The following NPFFR2 variants were observed in gnomAD, a reference collection of about 807,000 sequenced individuals.
NPFFR2 encodes neuropeptide FF receptor 2.
NPFFR2 carries 15 observed loss-of-function variants against 13.1 expected under a neutral mutation model. That is an observed-to-expected ratio of 1.15 (90% CI 0.77 to 1.76). The LOEUF is 1.76. Ranked by LOEUF, NPFFR2 falls within the 40% of genes most tolerant of loss-of-function variation. The pLI, the probability that NPFFR2 is intolerant of heterozygous loss-of-function variation, is 0.00. For synonymous variants in NPFFR2, 190 were observed against 175.7 expected (o/e 1.08, Z -0.65); for missense variants, 572 against 503.5 (o/e 1.14, Z -1.30).
rs768547847 is a variant in NPFFR2 at position 72,147,719 on chromosome 4, G to A, written c.1170G>A (p.Gly390=). Residue 390 remains glycine (G), a synonymous_variant, in exon 4 of 4, where the codon GGG becomes GGA. Transcript: ENST00000308744. ...AATCTACATTTCAAAACCCTCATGGGGAAACCTTGCTTTATAGGAAAAGTG... is the reference window on the plus strand; with the variant it reads ...AATCTACATTTCAAAACCCTCATGGAGAAACCTTGCTTTATAGGAAAAGTG... ...VQESTFQNPH[G]ETLLYRKSAE... The A allele has an allele frequency of 2.2e-5, 36 of 1,612,442 alleles. No homozygotes were observed. Among genetic ancestry groups the A allele is most frequent in the Non-Finnish European group, 3.0e-5 (35 of 1,179,664 alleles).
At chr4:72,125,432 G>A (rs971628963) in intron 1 of NPFFR2, among the ~76,000 whole-genome samples, 4 of 152,164 alleles carry the variant, frequency 2.6e-5, no homozygotes, top group Non-Finnish European at 5.9e-5. Context: ...TACAAAAATT[G>A]GGAAGTATAG....
chr4:72,083,497 A>C (rs1350118957), intron 1 of NPFFR2, among the ~76,000 whole-genome samples: 1 of 115,310 alleles, frequency 8.7e-6, no homozygotes, highest in Non-Finnish European at 1.8e-5. Context: ...GCCATCAGTG[A>C]CAACTGTCTC....
At chr4:72,137,328 G>T (rs934169029) in intron 2 of NPFFR2, among the ~76,000 whole-genome samples, 1 of 152,092 alleles carries the variant, frequency 6.6e-6, no homozygotes, top group Non-Finnish European at 1.5e-5. Flanking sequence ...GAAGAATATT[G>T]TTCCTTTTCT....
intron 2 of NPFFR2, among the ~76,000 whole-genome samples, chr4:72,129,591 C>A (rs1463031143): frequency 2.6e-4 from 4 of 15,410 alleles, no homozygotes; most frequent in East Asian, 2.1e-3. Context: ...TTGCTGCCCG[C>A]AGGTCCCACC....
chr4:72,083,955 G>A (rs563993301), intron 1 of NPFFR2, among the ~76,000 whole-genome samples: 41 of 152,214 alleles, frequency 2.7e-4, no homozygotes, highest in Non-Finnish European at 2.8e-4. Flanking sequence ...ACTCAAGTCA[G>A]ATCCAATACA....
chr4:72,092,428 A>G (rs1720938766), intron 1 of NPFFR2, among the ~76,000 whole-genome samples: 1 of 152,100 alleles, frequency 6.6e-6, no homozygotes, highest in Admixed American at 6.5e-5. Context: ...TAGTCCTGTC[A>G]GTGGCATATT....
At chr4:72,106,321 A>G (rs1421148918) in intron 1 of NPFFR2, among the ~76,000 whole-genome samples, 1 of 152,028 alleles carries the variant, frequency 6.6e-6, no homozygotes, top group Non-Finnish European at 1.5e-5. Flanking sequence ...CTTTCTGGAC[A>G]AAAGATGCAT....
intron 1 of NPFFR2, among the ~76,000 whole-genome samples, chr4:72,062,499 A>G (rs975853474): frequency 6.9e-6 from 1 of 144,494 alleles, no homozygotes; most frequent in South Asian, 2.3e-4. Flanking sequence ...TTCATTCAAG[A>G]CTAGGTATAC....
In NPFFR2 at chr4:72,138,642, T is replaced by C. The variant is rs1260536268; in HGVS notation, c.428+503T>C. ...TCCATGGTGTATATGTGCCACAATT[T>C]TCTTAATCCAGTATATCATTGAAGG... is the stretch of plus-strand genomic sequence containing the variant. On this transcript the variant is annotated intron_variant, in intron 3 of 3. Transcript: ENST00000308744. Among the ~76,000 whole-genome samples, 8 of 152,188 alleles carry C rather than the reference T, an allele frequency of 5.3e-5. No homozygotes were observed. The East Asian group carries it at 1.5e-3, about 29-fold the overall frequency.
intron 2 of NPFFR2, among the ~76,000 whole-genome samples, chr4:72,134,072 CT>C (rs1722334127): frequency 6.6e-6 from 1 of 152,128 alleles, no homozygotes; most frequent in Admixed American, 6.6e-5. Context: ...CAAGACCAGC[CT>C]GGCCAACATG....
At position 72,047,350 on chromosome 4, in the gene NPFFR2, G is replaced by T. The variant is rs1480077635; in HGVS notation, c.-8+15150G>T. ...TTGCCCCTTCCATTATAGGCCCAGA[G>T]CTGTAGGAGGGCAGAATGGTTTCTG... is the stretch of plus-strand genomic sequence containing the variant. On this transcript the variant is annotated intron_variant, in intron 1 of 3. Coordinates refer to ENST00000308744, the MANE Select transcript of NPFFR2 (RefSeq NM_004885.3). Among the ~76,000 whole-genome samples the T allele has an allele frequency of 2.6e-5, 4 of 152,082 alleles. No individual in the cohort carries two copies. In the East Asian group the frequency reaches 5.8e-4, roughly 22 times the overall value.
chr4:72,070,561 G>GTATGTGTGTGTGT (rs368654718), intron 1 of NPFFR2, among the ~76,000 whole-genome samples: 2 of 131,572 alleles, frequency 1.5e-5, no homozygotes, highest in African/African-American at 3.1e-5. Context: ...GTGTGTGTGT[G>GTATGTGTGTGTGT]GGGGGGGGGG....
At chr4:72,056,943 T>A (rs533747279) in intron 1 of NPFFR2, among the ~76,000 whole-genome samples, 2 of 151,880 alleles carry the variant, frequency 1.3e-5, no homozygotes, top group African/African-American at 2.4e-5. Flanking sequence ...TTTTTGTCTG[T>A]TTTTTAGAGG....
At chr4:72,047,954 A>C (rs923918376) in intron 1 of NPFFR2, among the ~76,000 whole-genome samples, 1 of 152,050 alleles carries the variant, frequency 6.6e-6, no homozygotes, top group Non-Finnish European at 1.5e-5. Context: ...GCAAGGAGTA[A>C]AGTTATTCCT....
chr4:72,131,393 C>A (rs891786551), intron 2 of NPFFR2, among the ~76,000 whole-genome samples: 1 of 134,678 alleles, frequency 7.4e-6, no homozygotes, highest in Non-Finnish European at 1.5e-5. Flanking sequence ...GGGAATTGAA[C>A]AATGAGATCA....
At chr4:72,088,700 G>C (rs539800803) in intron 1 of NPFFR2, among the ~76,000 whole-genome samples, 2 of 152,120 alleles carry the variant, frequency 1.3e-5, no homozygotes, top group Admixed American at 6.6e-5. Context: ...GAGTAAAGGA[G>C]GGAGTGCCAC....
At chr4:72,125,458 C>A (rs1419796129) in intron 1 of NPFFR2, among the ~76,000 whole-genome samples, 1 of 152,188 alleles carries the variant, frequency 6.6e-6, no homozygotes, top group Non-Finnish European at 1.5e-5. Context: ...CTATTGATTT[C>A]CTATTAGTGC....
chr4:72,128,665 A>G lies in NPFFR2; in HGVS notation c.74A>G (p.His25Arg), dbSNP rs767790869. 6.2e-7 allele frequency: 1 copy of G among 1,613,916 alleles called. No individual in the cohort carries two copies. The highest frequency in any genetic ancestry group is 8.5e-7 in the Non-Finnish European group (1 of 1,179,780). ...PIWNVNDTKH[H>R]LYSDINITYV... ...TGGAATGTCAATGACACAAAGCATC[A>G]TCTGTACTCAGATATTAATATTACC... Residue 25 changes from histidine (H) to arginine (R), a missense_variant, in exon 2 of 4, where the codon CAT (histidine) becomes CGT (arginine). By Grantham distance (29) the His-to-Arg change is conservative. Transcript: ENST00000308744.
chr4:72,065,393 G>T (rs4607186), intron 1 of NPFFR2, among the ~76,000 whole-genome samples: 152,270 of 152,312 alleles, frequency 1, 76,114 homozygotes, highest in Non-Finnish European at 1. Context: ...ATCAAGAAAT[G>T]ACAGGCAATC....
Sources: allele counts gnomAD v4.1 joint callset (sites outside exome capture counted in the v4.1 genomes callset), GRCh38; gene constraint gnomAD v4.1.1; transcripts MANE v1.5; gene names NCBI Gene and HGNC (gene_info 2026-07-23, HGNC 2026-07-21).